SSBP3: variants seen among roughly 807,000 people sequenced by gnomAD.
The protein encoded by SSBP3 is single-stranded DNA-binding protein 3.
SSBP3 carries 5 observed loss-of-function variants against 69.6 expected under a neutral mutation model. That is an observed-to-expected ratio of 0.07 (90% CI 0.04 to 0.15). SSBP3 has a LOEUF of 0.15. SSBP3 is among the 10% of genes least tolerant of loss of function. SSBP3 has a pLI of 1.00. For synonymous variants in SSBP3, 196 were observed against 193.4 expected, an observed-to-expected ratio of 1.01 and a Z score of -0.11; for missense variants, 312 against 534.0, an observed-to-expected ratio of 0.58 and a Z score of 4.10.
chr1:54,233,488 T>TGG (rs1173641812), intron 14 of SSBP3, among the ~76,000 whole-genome samples: 1 of 138,036 alleles, frequency 7.2e-6, no homozygotes, highest in Non-Finnish European at 1.6e-5. Context: ...GGGAGGGAGG[T>TGG]GGGGGGTCAG....
intron 5 of SSBP3, among the ~76,000 whole-genome samples, chr1:54,269,601 CAAGGA>C (rs904891328): frequency 6.6e-5 from 10 of 152,140 alleles, no homozygotes; most frequent in African/African-American, 2.4e-4. Context: ...GACCTTGGGC[CAAGGA>C]AAGGGCAAGA....
intron 13 of SSBP3, among the ~76,000 whole-genome samples, chr1:54,240,105 CGTGCGCGCGCGCGCGCA>C (rs1557449053): frequency 0.082 from 803 of 9,788 alleles, 14 homozygotes; most frequent in African/African-American, 0.2. Context: ...CGCGCGTGTG[CGTGCGCGCGCGCGCGCA>C]ACACATGCCC....
chr1:54,391,068 G>A (rs899945698), intron 4 of SSBP3, among the ~76,000 whole-genome samples: 44 of 152,246 alleles, frequency 2.9e-4, no homozygotes, highest in Non-Finnish European at 4.4e-4. Flanking sequence ...AGACACGGGC[G>A]CCAGCCTCTT....
intron 4 of SSBP3, among the ~76,000 whole-genome samples, chr1:54,385,033 A>C (rs911075477): frequency 2.0e-5 from 3 of 152,182 alleles, no homozygotes; most frequent in Admixed American, 6.5e-5. Flanking sequence ...AGGGAAGGAC[A>C]TACTTCCTAA....
chr1:54,287,726 C>T (rs893900822), intron 4 of SSBP3, among the ~76,000 whole-genome samples: 4 of 152,020 alleles, frequency 2.6e-5, no homozygotes, highest in African/African-American at 4.8e-5. Context: ...GGAATGGAAG[C>T]GACCGGGGGA....
chr1:54,364,089 G>C (rs993600809), intron 4 of SSBP3, among the ~76,000 whole-genome samples: 4 of 152,212 alleles, frequency 2.6e-5, no homozygotes, highest in Non-Finnish European at 4.4e-5. Context: ...GCTTAGGTTG[G>C]CAAACCAGTA....
chr1:54,318,110 G>C (rs2100348805), intron 4 of SSBP3, among the ~76,000 whole-genome samples: 1 of 152,266 alleles, frequency 6.6e-6, no homozygotes, highest in South Asian at 2.1e-4. Flanking sequence ...CTCCAGGCTT[G>C]GGGTGGGAGC....
upstream of SSBP3, among the ~76,000 whole-genome samples, chr1:54,411,283 G>T (rs1649982531): frequency 6.6e-6 from 1 of 151,968 alleles, no homozygotes; most frequent in Non-Finnish European, 1.5e-5. Flanking sequence ...TTCGAGACCA[G>T]CCCGGCCAAC....
intron 4 of SSBP3, among the ~76,000 whole-genome samples, chr1:54,394,312 G>A (rs1403798738): frequency 6.6e-6 from 1 of 152,112 alleles, no homozygotes; most frequent in Non-Finnish European, 1.5e-5. Flanking sequence ...CTGCAATCCT[G>A]CTATTTATAT....
chr1:54,330,593 C>T (rs555821783), intron 4 of SSBP3, among the ~76,000 whole-genome samples: 1 of 152,352 alleles, frequency 6.6e-6, no homozygotes, highest in African/African-American at 2.4e-5. Context: ...GTTCCTCATG[C>T]ACATCCCTCT....
chr1:54,338,281 T>C (rs1646545875), intron 4 of SSBP3, among the ~76,000 whole-genome samples: 1 of 152,250 alleles, frequency 6.6e-6, no homozygotes. Flanking sequence ...TTGCATATGC[T>C]AAAGCGAATG....
chr1:54,299,255 T>C (rs1293335149), intron 4 of SSBP3, among the ~76,000 whole-genome samples: 1 of 152,084 alleles, frequency 6.6e-6, no homozygotes, highest in African/African-American at 2.4e-5. Context: ...GACACTGGTA[T>C]TTTCCGCTCC....
chr1:54,376,385 G>A (rs1647237541), intron 4 of SSBP3, among the ~76,000 whole-genome samples: 2 of 152,104 alleles, frequency 1.3e-5, no homozygotes, highest in African/African-American at 2.4e-5. Flanking sequence ...TTCTTGCTTT[G>A]GCCACCAGCA....
intron 5 of SSBP3, among the ~76,000 whole-genome samples, chr1:54,280,464 T>C (rs181027999): frequency 4.6e-5 from 7 of 152,302 alleles, no homozygotes; most frequent in African/African-American, 1.4e-4. Context: ...ACAGAGGAAA[T>C]TTCTGCCTCC....
intron 4 of SSBP3, among the ~76,000 whole-genome samples, chr1:54,333,193 G>A (rs1158469722): frequency 6.6e-6 from 1 of 152,172 alleles, no homozygotes; most frequent in Non-Finnish European, 1.5e-5. Context: ...GGTGTGCCTG[G>A]AGACCTTGCA....
Position 54,227,184 on chromosome 1 carries a change from G to GT in SSBP3, c.1138-25_1138-24insA. The GT allele has an allele frequency of 5.0e-6, 6 of 1,201,988 alleles. No individual in the cohort carries two copies. The East Asian group carries it at 8.1e-5, about 16-fold the overall frequency. The allele number at this position is 1,201,988 out of a possible 1,614,324, so 74.5% of individuals were successfully genotyped here. On this transcript the variant is annotated intron_variant, in intron 17 of 17. Transcript: ENST00000610401. ...TACTGGAAAGGAGAAGCAGAGAAGGGGGGGGGGTGAGGATTGTGGGGAGGC... is the reference window on the plus strand; with the variant it reads ...TACTGGAAAGGAGAAGCAGAGAAGGGTGGGGGGGTGAGGATTGTGGGGAGGC...
At chr1:54,240,087 T>TGTGTGTGTGC (rs1159547661) in intron 13 of SSBP3, among the ~76,000 whole-genome samples, 47 of 42,350 alleles carry the variant, frequency 1.1e-3, no homozygotes, top group Non-Finnish European at 1.4e-3. Context: ...TGTGTGTGTG[T>TGTGTGTGTGC]GCGCGCGCGC....
chr1:54,236,041 C>T (rs936791329), intron 14 of SSBP3, among the ~76,000 whole-genome samples: 3 of 152,202 alleles, frequency 2.0e-5, no homozygotes, highest in Non-Finnish European at 4.4e-5. Flanking sequence ...CTAGGCTCCT[C>T]GGGGCTCCTT....
chr1:54,299,936 C>T (rs1645771781), intron 4 of SSBP3, among the ~76,000 whole-genome samples: 1 of 152,180 alleles, frequency 6.6e-6, no homozygotes, highest in African/African-American at 2.4e-5. Context: ...TCCTCCTTCC[C>T]TGAACACTGC....
Sources: gnomAD v4.1 joint callset for allele counts (sites outside exome capture counted in the v4.1 genomes callset) on GRCh38, gnomAD v4.1.1 for gene constraint, MANE v1.5 for transcripts, NCBI Gene and HGNC (gene_info 2026-07-23, HGNC 2026-07-21) for gene names.